The following PLXNA4 variants were observed in gnomAD, a reference collection of about 807,000 sequenced individuals.
PLXNA4 encodes plexin A4.
In PLXNA4, 44 loss-of-function variants were observed where a neutral mutation model predicts 191.8. That is an observed-to-expected ratio of 0.23 (90% CI 0.18 to 0.29). The LOEUF is 0.29. Ranked by LOEUF, PLXNA4 falls within the 10% of genes least tolerant of loss-of-function variation. PLXNA4 has a pLI of 1.00. For synonymous variants in PLXNA4, 1,082 were observed against 1,009.5 expected (o/e 1.07, Z -1.36); for missense variants, 1,800 against 2,488.8 (o/e 0.72, Z 5.89).
intron 1 of PLXNA4, among the ~76,000 whole-genome samples, chr7:132,528,191 T>C (rs1291042667): frequency 6.6e-6 from 1 of 152,162 alleles, no homozygotes; most frequent in East Asian, 1.9e-4. Context: ...TTTAATCTCA[T>C]GCCAGCCAGG....
chr7:132,594,779 C>T (rs970853938), intron 2 of PLXNA4, among the ~76,000 whole-genome samples: 1 of 152,160 alleles, frequency 6.6e-6, no homozygotes, highest in Non-Finnish European at 1.5e-5. Context: ...TGGACTCCAT[C>T]CCACGTAATT....
intron 3 of PLXNA4, among the ~76,000 whole-genome samples, chr7:132,353,267 C>T (rs927293808): frequency 1.3e-5 from 2 of 152,146 alleles, no homozygotes; most frequent in African/African-American, 4.8e-5. Context: ...TCCCAGAACA[C>T]TTTTTGTGAT....
intron 3 of PLXNA4, among the ~76,000 whole-genome samples, chr7:132,472,534 C>T (rs1178980234): frequency 6.6e-5 from 10 of 152,180 alleles, no homozygotes; most frequent in African/African-American, 2.2e-4. Context: ...GCAGCAGGGG[C>T]AATGGCAGGA....
rs991094746 is a variant in PLXNA4, at chr7:132,182,298, G to A, written c.3159-108C>T. 6 of 1,498,042 alleles carry A rather than the reference G, an allele frequency of 4.0e-6. No individual in the cohort carries two copies. In the East Asian group the frequency reaches 1.2e-4, roughly 30 times the overall value. The allele number at this position is 1,498,042 out of a possible 1,614,324, so 92.8% of individuals were successfully genotyped here. A position where few individuals can be genotyped will look rare whatever the true frequency, so the allele number is the denominator to read the frequency against. On this transcript the variant is annotated intron_variant, in intron 16 of 31. Transcript: ENST00000321063. ...CAATAAGGACAGTGATAACTAGGCA[G>A]CAGGGTAATGTTCATGGGGACAAGG...
At chr7:132,625,090 T>C (rs752625711) in intron 2 of PLXNA4, among the ~76,000 whole-genome samples, 2 of 152,250 alleles carry the variant, frequency 1.3e-5, no homozygotes, top group African/African-American at 4.8e-5. Flanking sequence ...TTCTTTGTTC[T>C]TCAAACTTGT....
chr7:132,259,436 CAAA>C (rs55902635), intron 4 of PLXNA4, among the ~76,000 whole-genome samples: 6 of 33,864 alleles, frequency 1.8e-4, no homozygotes, highest in African/African-American at 5.4e-4. Flanking sequence ...AACTCCAACT[CAAA>C]AAAAAAAAAA....
intron 4 of PLXNA4, among the ~76,000 whole-genome samples, chr7:132,297,590 A>G (rs1488660459): frequency 2.0e-5 from 3 of 152,146 alleles, no homozygotes; most frequent in Non-Finnish European, 2.9e-5. Flanking sequence ...AGTTGTATGT[A>G]CACACAAAAG....
intron 3 of PLXNA4, among the ~76,000 whole-genome samples, chr7:132,461,575 AT>A (rs1796505146): frequency 6.6e-6 from 1 of 152,260 alleles, no homozygotes; most frequent in African/African-American, 2.4e-5. Context: ...AAAAGAACAT[AT>A]TTAAATCCAA....
intron 2 of PLXNA4, among the ~76,000 whole-genome samples, chr7:132,634,002 A>G (rs1803545533): frequency 6.6e-6 from 1 of 151,810 alleles, no homozygotes; most frequent in Non-Finnish European, 1.5e-5. Flanking sequence ...TGGCAGATGC[A>G]CCTGACAGCA....
intron 3 of PLXNA4, among the ~76,000 whole-genome samples, chr7:132,373,922 G>A (rs1307548100): frequency 6.6e-6 from 1 of 152,178 alleles, no homozygotes; most frequent in Non-Finnish European, 1.5e-5. Flanking sequence ...GTAGGGCCTT[G>A]TATTTAATAG....
intron 1 of PLXNA4, among the ~76,000 whole-genome samples, chr7:132,563,779 C>T (rs1477182841): frequency 2.8e-5 from 3 of 107,600 alleles, no homozygotes; most frequent in Admixed American, 2.7e-4. Context: ...CTTCCTCCTC[C>T]TCTTCCTCCT....
At chr7:132,443,652 T>C (rs1344719261) in intron 3 of PLXNA4, among the ~76,000 whole-genome samples, 2 of 152,212 alleles carry the variant, frequency 1.3e-5, no homozygotes, top group Non-Finnish European at 2.9e-5. Flanking sequence ...TTGGTCTTCC[T>C]TTAGACACTT....
At chr7:132,364,214 A>G (rs1804063852) in intron 3 of PLXNA4, among the ~76,000 whole-genome samples, 1 of 152,206 alleles carries the variant, frequency 6.6e-6, no homozygotes, top group Non-Finnish European at 1.5e-5. Context: ...TGGTGGGAGG[A>G]AGCCATTCAC....
chr7:132,251,105 C>A (rs1333539322), intron 4 of PLXNA4, among the ~76,000 whole-genome samples: 1 of 129,068 alleles, frequency 7.7e-6, no homozygotes, highest in Non-Finnish European at 1.6e-5. Context: ...TAGAAACTTT[C>A]ATGTTACTGC....
chr7:132,236,172 C>T (rs924056819), intron 5 of PLXNA4, among the ~76,000 whole-genome samples: 2 of 152,194 alleles, frequency 1.3e-5, no homozygotes, highest in Non-Finnish European at 2.9e-5. Context: ...GACTTTGCTG[C>T]TACAAACAGC....
chr7:132,562,131 TTC>T (rs1279612722), intron 1 of PLXNA4, among the ~76,000 whole-genome samples: 2 of 86,572 alleles, frequency 2.3e-5, no homozygotes, highest in African/African-American at 5.2e-5. Flanking sequence ...CTCCTCCTCC[TTC>T]TCTCCTTCTC....
intron 1 of PLXNA4, among the ~76,000 whole-genome samples, chr7:132,513,845 T>C (rs369292589): frequency 6.6e-6 from 1 of 151,748 alleles, no homozygotes; most frequent in Admixed American, 6.6e-5. Flanking sequence ...TGGCTAATTT[T>C]TGTACTTTTA....
chr7:132,504,115 C>T (rs1798362616), intron 2 of PLXNA4, among the ~76,000 whole-genome samples: 1 of 152,266 alleles, frequency 6.6e-6, no homozygotes, highest in Non-Finnish European at 1.5e-5. Context: ...CAGCCCTCAT[C>T]TCCAATGGGA....
intron 4 of PLXNA4, among the ~76,000 whole-genome samples, chr7:132,279,936 C>G (rs1323468979): frequency 6.6e-6 from 1 of 152,212 alleles, no homozygotes; most frequent in Non-Finnish European, 1.5e-5. Context: ...TAGTGACTTT[C>G]ATTTTGACCA....
Sources: allele counts gnomAD v4.1 joint callset (sites outside exome capture counted in the v4.1 genomes callset), GRCh38; gene constraint gnomAD v4.1.1; transcripts MANE v1.5; gene names NCBI Gene and HGNC (gene_info 2026-07-23, HGNC 2026-07-21).